Variants in IL7 observed in about 807,000 individuals in gnomAD.
IL7 encodes interleukin-7.
In IL7, 3 loss-of-function variants were observed where a neutral mutation model predicts 21.6. The ratio of observed to expected loss-of-function variants is 0.14; its 90% confidence interval spans 0.06 to 0.36. The LOEUF is 0.36. IL7 is among the 10% of genes least tolerant of loss of function. The probability of loss-of-function intolerance (pLI) is 1.00; values close to 1 mark genes in which losing one functional copy is unlikely to be tolerated. For missense variants in IL7, 175 were observed against 200.2 expected, an observed-to-expected ratio of 0.87 and a Z score of 0.76; for synonymous variants, 62 against 68.1, an observed-to-expected ratio of 0.91 and a Z score of 0.44.
chr8:78,753,154 C>T (rs375517651), intron 2 of IL7, among the ~76,000 whole-genome samples: 3 of 152,174 alleles, frequency 2.0e-5, no homozygotes, highest in East Asian at 1.9e-4. Context: ...TGAGGAATCA[C>T]CACACTGTCT....
At position 78,804,897 on chromosome 8, in the gene IL7, G is replaced by A. The variant is rs544901703; in HGVS notation, c.10+16C>T. ...TCGGGCGCGCGAACTTGTGCGCAAGGGAGAAGAGCGCTTACCATGGAACAT... is the reference window on the plus strand; with the variant it reads ...TCGGGCGCGCGAACTTGTGCGCAAGAGAGAAGAGCGCTTACCATGGAACAT... On this transcript the variant is annotated intron_variant, in intron 1 of 5. Transcript: ENST00000263851. The A allele has an allele frequency of 4.6e-5, 74 of 1,613,104 alleles. No homozygotes were observed. The East Asian group carries it at 1.2e-3, about 27-fold the overall frequency.
At chr8:78,677,445 G>A (rs1393780990) in intron 4 of IL7, among the ~76,000 whole-genome samples, 3 of 152,054 alleles carry the variant, frequency 2.0e-5, no homozygotes, top group African/African-American at 7.2e-5. Flanking sequence ...TTCCAGAAGG[G>A]AGGAAAAGAA....
intron 2 of IL7, among the ~76,000 whole-genome samples, chr8:78,782,867 TA>T (rs1813385894): frequency 6.6e-6 from 1 of 152,028 alleles, no homozygotes; most frequent in African/African-American, 2.4e-5. Context: ...GCTCTGTCCG[TA>T]AACCCCTGGC....
Position 78,689,314 on chromosome 8 carries a change from A to G in IL7, n.215-3367T>C, listed in dbSNP as rs772891311. ...CTGTAAAGAACAGGCAGCACGTATT[A>G]GTAATAAAGGGAAATTTTCTACAGA... On this transcript the variant is annotated intron_variant and non_coding_transcript_variant, in intron 3 of 4. Coordinates refer to the IL7 transcript ENST00000523959. 1.9e-6 allele frequency: 3 copies of G among 1,605,124 alleles called. No homozygotes were observed. In the South Asian group the frequency reaches 3.4e-5, roughly 18 times the overall value.
intron 2 of IL7, among the ~76,000 whole-genome samples, chr8:78,772,777 T>A (rs1813001901): frequency 6.6e-6 from 1 of 152,150 alleles, no homozygotes; most frequent in South Asian, 2.1e-4. Context: ...TAAGAAAGAT[T>A]AACAAAAACA....
intron 3 of IL7, among the ~76,000 whole-genome samples, chr8:78,712,391 T>A (rs1810978714): frequency 6.6e-6 from 1 of 152,088 alleles, no homozygotes; most frequent in African/African-American, 2.4e-5. Flanking sequence ...TTTATGAAGT[T>A]TTTTTTAGTA....
At chr8:78,776,349 A>G (rs1813139055) in intron 2 of IL7, among the ~76,000 whole-genome samples, 1 of 152,126 alleles carries the variant, frequency 6.6e-6, no homozygotes, top group Admixed American at 6.6e-5. Context: ...GCAAGATTTC[A>G]TCATGCTACT....
intron 3 of IL7, 27 bp from the exon 4 acceptor site, chr8:78,738,662 C>T: frequency 3.1e-6 from 5 of 1,600,676 alleles, no homozygotes; most frequent in Non-Finnish European, 4.3e-6. Context: ...TCAGAAGGGC[C>T]ATGGTTCAAA....
intron 4 of IL7, among the ~76,000 whole-genome samples, chr8:78,684,576 A>G (rs1809899228): frequency 6.6e-6 from 1 of 152,204 alleles, no homozygotes; most frequent in Admixed American, 6.5e-5. Context: ...AGACTAGATA[A>G]AATCATCTTT....
intron 2 of IL7, among the ~76,000 whole-genome samples, chr8:78,747,428 A>G (rs989883752): frequency 6.6e-6 from 1 of 152,098 alleles, no homozygotes; most frequent in Non-Finnish European, 1.5e-5. Flanking sequence ...CAAGTAAAGT[A>G]GAAATATTTT....
chr8:78,733,863 T>C lies in IL7; in HGVS notation c.415-31A>G, dbSNP rs768246114. On this transcript the variant is annotated intron_variant, in intron 5 of 5. Transcript: ENST00000263851. ...GAATAGAGTTTTAAAAGTTTAAACT[T>C]CACATTTTTACAAAAATATATATTT... The C allele has an allele frequency of 1.0e-5, 14 of 1,379,366 alleles. No homozygotes were observed. The Admixed American group carries it at 3.7e-4, about 36-fold the overall frequency. The allele number at this position is 1,379,366 out of a possible 1,614,324, so 85.4% of individuals were successfully genotyped here.
intron 2 of IL7, among the ~76,000 whole-genome samples, chr8:78,797,564 A>G (rs1381772834): frequency 6.6e-6 from 1 of 151,976 alleles, no homozygotes; most frequent in Non-Finnish European, 1.5e-5. Context: ...AAAATCTATT[A>G]ATTAGAAAAG....
intron 2 of IL7, among the ~76,000 whole-genome samples, chr8:78,784,726 A>G (rs776654490): frequency 1.3e-5 from 2 of 152,080 alleles, no homozygotes; most frequent in Admixed American, 6.6e-5. Flanking sequence ...AAGAACCATG[A>G]GGAAAATAAA....
At chr8:78,745,305 T>C (rs1381189489) in intron 2 of IL7, among the ~76,000 whole-genome samples, 1 of 152,264 alleles carries the variant, frequency 6.6e-6, no homozygotes, top group Non-Finnish European at 1.5e-5. Flanking sequence ...TTCGTGTATG[T>C]GTGTACACAC....
chr8:78,770,555 T>G (rs1812914564), intron 2 of IL7, among the ~76,000 whole-genome samples: 1 of 152,130 alleles, frequency 6.6e-6, no homozygotes, highest in Admixed American at 6.6e-5. Flanking sequence ...CTTTTGCTTC[T>G]GTTTTGATGG....
At chr8:78,686,605 C>T (rs145287590) in intron 3 of IL7, 15 of 1,493,008 alleles carry the variant, frequency 1.0e-5, no homozygotes, top group Non-Finnish European at 1.3e-5. Flanking sequence ...TTCTTATGAT[C>T]CTGGTATTTG....
chr8:78,739,282 C>T (rs1042064033), intron 3 of IL7, among the ~76,000 whole-genome samples: 1 of 152,054 alleles, frequency 6.6e-6, no homozygotes. Context: ...ATGTGGTAAT[C>T]ATTTAGAGAT....
At chr8:78,718,755 TTAG>T (rs1336216206) in intron 6 of IL7, 1 of 151,898 alleles carries the variant, frequency 6.6e-6, no homozygotes, top group African/African-American at 2.4e-5. Context: ...ATCATAGTAG[TTAG>T]TAGTAGATTG....
chr8:78,758,370 A>G (rs143866139), intron 2 of IL7, among the ~76,000 whole-genome samples: 46 of 152,140 alleles, frequency 3.0e-4, no homozygotes, highest in African/African-American at 1.0e-3. Flanking sequence ...ATTTATCTTT[A>G]CAGTTTGGTC....
Sources: allele counts gnomAD v4.1 joint callset (sites outside exome capture counted in the v4.1 genomes callset), GRCh38; gene constraint gnomAD v4.1.1; transcripts MANE v1.5; gene names NCBI Gene and HGNC (gene_info 2026-07-23, HGNC 2026-07-21).